Variants in PRRC2B observed in about 807,000 individuals in gnomAD.
PRRC2B encodes the protein protein PRRC2B.
Under a neutral mutation model 242.3 loss-of-function variants are expected in PRRC2B, and 68 were observed. The observed-to-expected ratio is 0.28, with a 90% confidence interval of 0.23 to 0.34. PRRC2B has a LOEUF of 0.34. Ranked by LOEUF, PRRC2B falls within the 10% of genes least tolerant of loss-of-function variation. The pLI is 1.00. For missense variants in PRRC2B, 2,835 were observed against 2,954.8 expected (o/e 0.96, Z 0.94); for synonymous variants, 1,228 against 1,173.6 (o/e 1.05, Z -0.95).
intron 1 of PRRC2B, among the ~76,000 whole-genome samples, chr9:131,395,502 G>A (rs1837025454): frequency 6.6e-6 from 1 of 152,180 alleles, no homozygotes; most frequent in African/African-American, 2.4e-5. Flanking sequence ...CTCTGGGGCT[G>A]TCTGAGGCTT....
At chr9:131,396,535 A>G (rs1308960895) in intron 1 of PRRC2B, among the ~76,000 whole-genome samples, 6 of 152,048 alleles carry the variant, frequency 3.9e-5, no homozygotes, top group Non-Finnish European at 7.4e-5. Flanking sequence ...CATGTTGGCC[A>G]GGCTAGTCTC....
Position 131,476,034 on chromosome 9 carries a change from G to A in PRRC2B, c.3905G>A (p.Arg1302Lys). ...GCAGAGAACCGGCCCTTCAGGAGAA[G>A]GCGCCCCCCACGCCAAGATAAGCCC... ...ENAENRPFRRRRPPRQDKPPR... is the reference protein window; with the variant it reads ...ENAENRPFRRKRPPRQDKPPR... Residue 1302 changes from arginine to lysine, a missense_variant, in exon 16 of 32, where the codon AGG becomes AAG. Physicochemically the swap from Arg to Lys is conservative, Grantham distance 26. This residue lies in a region of PRRC2B where 1,536 missense variants were observed against 1,483.1 expected (regional missense o/e 1.04). Coordinates refer to ENST00000683519, the MANE Select transcript of PRRC2B (RefSeq NM_013318.4). 6.2e-7 allele frequency: 1 copy of A among 1,605,940 alleles called. No homozygotes were observed. Among genetic ancestry groups the A allele is most frequent in the Admixed American group, 1.7e-5 (1 of 59,612 alleles).
At chr9:131,463,377 G>C (rs1190683654) in intron 11 of PRRC2B, among the ~76,000 whole-genome samples, 1 of 152,064 alleles carries the variant, frequency 6.6e-6, no homozygotes, top group Non-Finnish European at 1.5e-5. Flanking sequence ...TCCTTGATTT[G>C]ATTTTTGACA....
rs773915276 is a variant in PRRC2B at position 131,476,447 on chromosome 9, T to C, written c.4318T>C (p.Phe1440Leu). The change falls in exon 16 of 32, where the codon TTT becomes CTT. Residue 1440 changes from phenylalanine (F) to leucine (L), a missense_variant. Around this residue, in one of 7 missense-constraint regions of PRRC2B, gnomAD observed 1,536 missense variants for 1,483.1 expected, o/e 1.04. Transcript: ENST00000683519. ...GAGCCGAAAGCTGGAGCCGGGAGGG[T>C]TTGGGGAGAAGCCCGTTAGGCCAGG... Reference protein sequence around the residue: ...RQSRKLEPGGFGEKPVRPGGG... With the variant: ...RQSRKLEPGGLGEKPVRPGGG... The C allele has an allele frequency of 6.2e-7, 1 of 1,613,030 alleles. No homozygotes were observed. The highest frequency in any genetic ancestry group is 8.5e-7 in the Non-Finnish European group (1 of 1,179,690).
chr9:131,478,491 T>G lies in PRRC2B; in HGVS notation c.4630T>G (p.Cys1544Gly), dbSNP rs747732286. 6 of 1,613,334 alleles carry G rather than the reference T, an allele frequency of 3.7e-6. No individual in the cohort carries two copies. The Admixed American group carries it at 1.0e-4, about 27-fold the overall frequency. Reference sequence around the variant, plus strand: ...TGGTTCAGGTGCCATCATTGAAAATTGCGGGTCCAGCCCCGGGGAGGAGAG... The same window carrying G: ...TGGTTCAGGTGCCATCATTGAAAATGGCGGGTCCAGCCCCGGGGAGGAGAG... ...LNYGSAIIEN[C>G]GSSPGEESEV... The change falls in exon 18 of 32, where the codon TGC (cysteine) becomes GGC (glycine). Residue 1544 changes from cysteine to glycine, a missense_variant. Cys to Gly is a radical substitution (Grantham distance 159). This residue lies in a region of PRRC2B where 1,536 missense variants were observed against 1,483.1 expected (regional missense o/e 1.04). Transcript: ENST00000683519.
chr9:131,421,087 C>T (rs1837827069), intron 1 of PRRC2B, among the ~76,000 whole-genome samples: 1 of 152,220 alleles, frequency 6.6e-6, no homozygotes, highest in South Asian at 2.1e-4. Flanking sequence ...ACGACAGCCT[C>T]AGGCAGAGTT....
intron 23 of PRRC2B, among the ~76,000 whole-genome samples, chr9:131,484,099 C>T (rs181084420): frequency 7.9e-5 from 12 of 152,352 alleles, no homozygotes; most frequent in Admixed American, 3.3e-4. Context: ...CTACGAGGTT[C>T]TTTACTCGAG....
At chr9:131,442,107 A>T (rs1309475796) in intron 5 of PRRC2B, among the ~76,000 whole-genome samples, 1 of 151,872 alleles carries the variant, frequency 6.6e-6, no homozygotes, top group South Asian at 2.1e-4. Context: ...TTTTTTCCTA[A>T]TTTCAAATCT....
Position 131,444,089 on chromosome 9 carries a change from C to T in PRRC2B, c.470-96C>T, listed in dbSNP as rs189343535. ...TGACAAGACTCCCTTCAAAAGCCCA[C>T]TTCCAGGCAACACGGCTTTCAAGGT... On this transcript the variant is annotated intron_variant, in intron 5 of 31. Transcript: ENST00000683519. 9.6e-5 allele frequency: 138 copies of T among 1,436,886 alleles called. No homozygotes were observed. The African/African-American group carries it at 1.7e-3, about 17-fold the overall frequency. The allele number at this position is 1,436,886 out of a possible 1,614,324, so 89.0% of individuals were successfully genotyped here.
rs901713352 is a variant in PRRC2B at position 131,474,869 on chromosome 9, T to G, written c.2740T>G (p.Ser914Ala). ...KNGSPNKQPSSEPEWTPEPRS... is the reference protein window; with the variant it reads ...KNGSPNKQPSAEPEWTPEPRS... ...CGGGAGCCCCAACAAACAGCCATCC[T>G]CGGAGCCTGAATGGACTCCCGAGCC... The change falls in exon 16 of 32, where the codon TCG (serine) becomes GCG (alanine). Residue 914 changes from serine (S) to alanine (A), a missense_variant. Ser to Ala is a moderately conservative substitution (Grantham distance 99, BLOSUM62 1). Around this residue, in one of 7 missense-constraint regions of PRRC2B, gnomAD observed 1,536 missense variants for 1,483.1 expected, o/e 1.04. Transcript: ENST00000683519. 3.7e-6 allele frequency: 6 copies of G among 1,604,918 alleles called. No individual in the cohort carries two copies. The highest frequency in any genetic ancestry group is 5.1e-6 in the Non-Finnish European group (6 of 1,176,450).
intron 1 of PRRC2B, among the ~76,000 whole-genome samples, chr9:131,407,576 A>C (rs1352055384): frequency 2.0e-5 from 3 of 152,084 alleles, no homozygotes; most frequent in Admixed American, 6.5e-5. Context: ...CTAGTGTCTG[A>C]GGCTTGGAGG....
intron 1 of PRRC2B, among the ~76,000 whole-genome samples, chr9:131,410,993 G>A (rs1281581292): frequency 6.6e-6 from 1 of 151,698 alleles, no homozygotes; most frequent in Admixed American, 6.6e-5. Flanking sequence ...GTTTTCTTAC[G>A]GCCAGTAATC....
intron 1 of PRRC2B, among the ~76,000 whole-genome samples, chr9:131,401,772 T>A (rs971231912): frequency 2.1e-4 from 32 of 151,232 alleles, no homozygotes; most frequent in African/African-American, 7.8e-4. Flanking sequence ...GAGATTCTCC[T>A]GCCTCAGCCT....
intron 9 of PRRC2B, among the ~76,000 whole-genome samples, chr9:131,450,820 T>C (rs535526403): frequency 2.6e-5 from 4 of 151,930 alleles, no homozygotes; most frequent in Admixed American, 1.3e-4. Flanking sequence ...ACTCCTGACC[T>C]CAGGTGATAG....
intron 11 of PRRC2B, among the ~76,000 whole-genome samples, chr9:131,462,988 G>A (rs1206037643): frequency 6.6e-6 from 1 of 152,076 alleles, no homozygotes; most frequent in African/African-American, 2.4e-5. Context: ...TTCCTTTCCA[G>A]GAAATTATCT....
At chr9:131,407,700 T>G (rs1837402272) in intron 1 of PRRC2B, among the ~76,000 whole-genome samples, 1 of 152,154 alleles carries the variant, frequency 6.6e-6, no homozygotes, top group Non-Finnish European at 1.5e-5. Flanking sequence ...TTTATTTTCA[T>G]CAAAGAGAAA....
Position 131,441,258 on chromosome 9 carries a change from G to T in PRRC2B, c.469+2197G>T, listed in dbSNP as rs138329707. Among the ~76,000 whole-genome samples, 43 of 152,328 alleles carry T rather than the reference G, an allele frequency of 2.8e-4. No homozygotes were observed. In the East Asian group the frequency reaches 8.1e-3, roughly 29 times the overall value. On this transcript the variant is annotated intron_variant, in intron 5 of 31. Transcript: ENST00000683519. ...ACTGCCAGTTTTTTTGAGGGAGTCA[G>T]AAGGGGGCAAATGGGCATAGGGGTG...
rs757331580 is a variant in PRRC2B, at chr9:131,500,175, TAAAA to T, written c.*4305_*4308del. On this transcript the variant is annotated 3_prime_UTR_variant, in exon 32 of 32. Coordinates refer to ENST00000683519, the MANE Select transcript of PRRC2B (RefSeq NM_013318.4). ...TATGAAAGAATTCTCCTTATTTAAA[TAAAA>T]AAAGTTTAAAAAGATAAAGCTGAAC... 3.9e-5 allele frequency: 6 copies of T among 152,280 alleles called. No homozygotes were observed. Among genetic ancestry groups the T allele is most frequent in the Admixed American group, 6.5e-5 (1 of 15,290 alleles). 9.4% of individuals were successfully genotyped at this position (152,280 alleles called of 1,614,324 possible).
intron 1 of PRRC2B, among the ~76,000 whole-genome samples, chr9:131,382,805 C>T (rs1209601180): frequency 7.2e-5 from 11 of 152,056 alleles, no homozygotes; most frequent in African/African-American, 2.2e-4. Context: ...CCACCACGCC[C>T]GGCTAATTTT....
Sources: allele counts gnomAD v4.1 joint callset (sites outside exome capture counted in the v4.1 genomes callset), GRCh38; gene constraint gnomAD v4.1.1; regional missense constraint gnomAD v4.1.1; transcripts MANE v1.5; gene names NCBI Gene and HGNC (gene_info 2026-07-23, HGNC 2026-07-21).